The following CDH13 variants were observed in gnomAD, a reference collection of about 807,000 sequenced individuals.
The protein encoded by CDH13 is cadherin 13.
Under a neutral mutation model 63.8 loss-of-function variants are expected in CDH13, and 24 were observed. The observed-to-expected ratio is 0.38, with a 90% CI of 0.27 to 0.53. CDH13 has a LOEUF of 0.53. Ranked by LOEUF, CDH13 falls within the 20% of genes least tolerant of loss-of-function variation. The pLI, the probability that CDH13 is intolerant of heterozygous loss-of-function variation, is 0.85. For missense variants in CDH13, 1,049 were observed against 903.1 expected (o/e 1.16, Z -2.07); for synonymous variants, 503 against 355.3 (o/e 1.42, Z -4.67).
intron 13 of CDH13, among the ~76,000 whole-genome samples, chr16:83,788,097 G>C (rs564164143): frequency 3.9e-5 from 6 of 152,208 alleles, no homozygotes; most frequent in African/African-American, 1.4e-4. Flanking sequence ...GTGCACGCAC[G>C]TGTGTGTACC....
At chr16:82,923,639 C>G (rs1248372838) in intron 2 of CDH13, among the ~76,000 whole-genome samples, 1 of 152,088 alleles carries the variant, frequency 6.6e-6, no homozygotes, top group Non-Finnish European at 1.5e-5. Context: ...TCCTTGGATC[C>G]AAAAACCTAC....
chr16:83,242,278 G>T (rs772836560), intron 5 of CDH13, among the ~76,000 whole-genome samples: 95 of 152,308 alleles, frequency 6.2e-4, no homozygotes, highest in Non-Finnish European at 1.2e-3. Context: ...CCAGGACTAA[G>T]AGATTTTGCT....
chr16:83,666,028 A>T (rs1213540092), intron 8 of CDH13, among the ~76,000 whole-genome samples: 1 of 152,240 alleles, frequency 6.6e-6, no homozygotes, highest in African/African-American at 2.4e-5. Flanking sequence ...AACAGGCCAC[A>T]GTGATTGTGT....
At chr16:83,447,970 C>T (rs2072761448) in intron 6 of CDH13, among the ~76,000 whole-genome samples, 2 of 152,000 alleles carry the variant, frequency 1.3e-5, no homozygotes, top group Non-Finnish European at 2.9e-5. Context: ...AAAAAGATTG[C>T]TCTGGGAGTT....
chr16:83,037,267 C>T (rs1010630335), intron 3 of CDH13, among the ~76,000 whole-genome samples: 15 of 152,120 alleles, frequency 9.9e-5, no homozygotes, highest in African/African-American at 3.1e-4. Context: ...CCGAGATTAC[C>T]CCTTCCTGCA....
chr16:83,357,574 A>C (rs560897789), intron 6 of CDH13, among the ~76,000 whole-genome samples: 2 of 151,978 alleles, frequency 1.3e-5, no homozygotes, highest in East Asian at 3.9e-4. Flanking sequence ...AGTTTGAATG[A>C]TTTTGTTCCC....
intron 1 of CDH13, among the ~76,000 whole-genome samples, chr16:82,638,060 G>C (rs1851537640): frequency 6.6e-6 from 1 of 152,212 alleles, no homozygotes; most frequent in African/African-American, 2.4e-5. Flanking sequence ...AGGGAGAAGA[G>C]GCTGCTGTGC....
intron 2 of CDH13, chr16:82,859,419 A>C (rs1354951515): frequency 6.6e-6 from 1 of 152,222 alleles, no homozygotes; most frequent in African/African-American, 2.4e-5. Context: ...TTAGCTGGGC[A>C]TGGTGGCATA....
At position 83,711,509 on chromosome 16, in the gene CDH13, T is replaced by TTTTTTTG. The variant is rs1044583903; in HGVS notation, c.1538+33067_1538+33073dup. ...TGTTTTGGGGTTTTTTATTTTTTGG[T>TTTTTTTG]TTTTTTGTTTTTTGTTTTTTGTTTT... On this transcript the variant is annotated intron_variant, in intron 10 of 13. Coordinates refer to ENST00000567109, the MANE Select transcript of CDH13 (RefSeq NM_001257.5). Among the ~76,000 whole-genome samples the TTTTTTTG allele has an allele frequency of 3.9e-5, 6 of 152,168 alleles. No homozygotes were observed. In the East Asian group the frequency reaches 1.2e-3, roughly 29 times the overall value.
At chr16:83,516,799 A>T (rs959968012) in intron 7 of CDH13, among the ~76,000 whole-genome samples, 2 of 152,228 alleles carry the variant, frequency 1.3e-5, no homozygotes, top group African/African-American at 4.8e-5. Context: ...ATTGCAAATG[A>T]TCTGAGTGTT....
Position 83,103,301 on chromosome 16 carries a change from G to A in CDH13, c.367-22084G>A, listed in dbSNP as rs150541481. Among the ~76,000 whole-genome samples, 8 of 103,480 alleles carry A rather than the reference G, an allele frequency of 7.7e-5. No individual in the cohort carries two copies. The East Asian group carries it at 2.0e-3, about 26-fold the overall frequency. 67.9% of individuals were successfully genotyped at this position (103,480 alleles called of 152,430 possible). A position where few individuals can be genotyped will look rare whatever the true frequency, so the allele number is the denominator to read the frequency against. ...GCTCTGTTGCCCGGGATGAAGTGCT[G>A]TGGCGTGAACTCAGCTCTCACTGCA... On this transcript the variant is annotated intron_variant, in intron 3 of 13. Coordinates refer to ENST00000567109, the MANE Select transcript of CDH13 (RefSeq NM_001257.5).
chr16:83,414,926 A>G lies in CDH13; in HGVS notation c.781+69920A>G, dbSNP rs113823958. ...CTATCTCTTGAAGATCCTGATTTCA[A>G]TATTTTTGGACAAATACCCAGAAGT... On this transcript the variant is annotated intron_variant, in intron 6 of 13. Coordinates refer to ENST00000567109, the MANE Select transcript of CDH13 (RefSeq NM_001257.5). Among the ~76,000 whole-genome samples, 128 of 152,266 alleles carry G rather than the reference A, an allele frequency of 8.4e-4. 1 individual carries two copies. Among genetic ancestry groups the G allele is most frequent in the African/African-American group, 3.0e-3 (123 of 41,562 alleles).
At chr16:83,524,816 A>T (rs987241096) in intron 7 of CDH13, among the ~76,000 whole-genome samples, 1 of 152,088 alleles carries the variant, frequency 6.6e-6, no homozygotes, top group Admixed American at 6.5e-5. Flanking sequence ...TAGCACTGAG[A>T]GTGTCAAGTT....
chr16:82,701,702 A>G (rs146888923), intron 1 of CDH13, among the ~76,000 whole-genome samples: 136 of 152,126 alleles, frequency 8.9e-4, no homozygotes, highest in Non-Finnish European at 1.5e-3. Flanking sequence ...CATCCTCAGC[A>G]TTTCCAGTGG....
chr16:83,658,986 C>A (rs62045344), intron 8 of CDH13, among the ~76,000 whole-genome samples: 39,206 of 109,712 alleles, frequency 0.36, 5,441 homozygotes, highest in Middle Eastern at 0.46. Flanking sequence ...GTCCCATGTC[C>A]TCACCACCAG....
At chr16:83,105,008 C>CT (rs1176234284) in intron 3 of CDH13, among the ~76,000 whole-genome samples, 1 of 152,036 alleles carries the variant, frequency 6.6e-6, no homozygotes, top group African/African-American at 2.4e-5. Flanking sequence ...TTTGGCATTC[C>CT]TTTTTTTAAC....
intron 1 of CDH13, among the ~76,000 whole-genome samples, chr16:82,758,889 C>G (rs2034724376): frequency 1.3e-5 from 2 of 152,192 alleles, no homozygotes; most frequent in Admixed American, 1.3e-4. Flanking sequence ...ATGTAAATCT[C>G]TGAAGCCTCG....
At chr16:82,924,649 G>A (rs2042250948) in intron 2 of CDH13, among the ~76,000 whole-genome samples, 1 of 152,176 alleles carries the variant, frequency 6.6e-6, no homozygotes, top group African/African-American at 2.4e-5. Context: ...GGGAGCACTA[G>A]GAAGGTGAGT....
chr16:82,850,635 GC>G, intron 1 of CDH13, among the ~76,000 whole-genome samples: 1 of 152,270 alleles, frequency 6.6e-6, no homozygotes, highest in Middle Eastern at 3.4e-3. Flanking sequence ...CTACCAAATA[GC>G]ATCACATGCT....
Sources: gnomAD v4.1 joint callset for allele counts (sites outside exome capture counted in the v4.1 genomes callset) on GRCh38, gnomAD v4.1.1 for gene constraint, MANE v1.5 for transcripts, NCBI Gene and HGNC (gene_info 2026-07-23, HGNC 2026-07-21) for gene names.